The following LRP1B variants were observed in gnomAD, a reference collection of about 807,000 sequenced individuals.
The protein encoded by LRP1B is low-density lipoprotein receptor-related protein 1B.
A neutral mutation model predicts 556.6 loss-of-function variants in LRP1B; 217 were observed. The observed-to-expected ratio is 0.39, with a 90% confidence interval of 0.35 to 0.44. The LOEUF (loss-of-function observed/expected upper bound fraction) is 0.44, where lower values mean the gene tolerates loss of function less well. LRP1B is among the 20% of genes least tolerant of loss of function. The probability of loss-of-function intolerance (pLI) is 1.00; values close to 1 mark genes in which losing one functional copy is unlikely to be tolerated. For missense variants in LRP1B, 5,053 were observed against 5,620.8 expected, an observed-to-expected ratio of 0.90 and a Z score of 3.23; for synonymous variants, 2,047 against 1,865.8, an observed-to-expected ratio of 1.10 and a Z score of -2.50.
chr2:141,884,314 G>A (rs1443555004), intron 1 of LRP1B, among the ~76,000 whole-genome samples: 1 of 152,146 alleles, frequency 6.6e-6, no homozygotes, highest in Admixed American at 6.6e-5. Flanking sequence ...AGTCGAGACT[G>A]TAGTGAGCCT....
chr2:141,299,957 A>G (rs574592743), intron 3 of LRP1B, among the ~76,000 whole-genome samples: 1 of 152,304 alleles, frequency 6.6e-6, no homozygotes, highest in African/African-American at 2.4e-5. Context: ...TGATGGCATT[A>G]GGACATGAGT....
At chr2:141,301,026 TTTA>T (rs1231173946) in intron 3 of LRP1B, among the ~76,000 whole-genome samples, 4 of 152,288 alleles carry the variant, frequency 2.6e-5, no homozygotes, top group African/African-American at 7.2e-5. Context: ...TGTTTCAATA[TTTA>T]TTATTGTCCA....
At chr2:141,160,484 C>G (rs188929353) in intron 7 of LRP1B, among the ~76,000 whole-genome samples, 1 of 152,116 alleles carries the variant, frequency 6.6e-6, no homozygotes, top group East Asian at 1.9e-4. Context: ...GTAACAGCCC[C>G]AACTAAAAAT....
chr2:140,803,568 G>A (rs1690601255), intron 32 of LRP1B, among the ~76,000 whole-genome samples: 1 of 151,932 alleles, frequency 6.6e-6, no homozygotes, highest in Non-Finnish European at 1.5e-5. Context: ...AAAGTGCTGG[G>A]ATTACAGGCA....
At chr2:142,006,749 GACTGGACCCCTTGTTATAT>G (rs1702815760) in intron 1 of LRP1B, among the ~76,000 whole-genome samples, 1 of 152,068 alleles carries the variant, frequency 6.6e-6, no homozygotes, top group African/African-American at 2.4e-5. Context: ...AACATAGAAA[GACTGGACCCCTTGTTATAT>G]ACTGGTTTGC....
At chr2:140,849,310 T>A (rs529506309) in intron 29 of LRP1B, among the ~76,000 whole-genome samples, 1 of 149,946 alleles carries the variant, frequency 6.7e-6, no homozygotes, top group Non-Finnish European at 1.5e-5. Context: ...AGATGGAGGT[T>A]GCAGTGAGCC....
chr2:141,679,370 A>C (rs1171207697), intron 2 of LRP1B, among the ~76,000 whole-genome samples: 1 of 152,196 alleles, frequency 6.6e-6, no homozygotes, highest in Non-Finnish European at 1.5e-5. Context: ...TTTTGGGAAA[A>C]TTTGTTATGC....
At position 140,274,518 on chromosome 2, in the gene LRP1B, G is replaced by C. The variant is rs148187862; in HGVS notation, c.13048C>G (p.Arg4350Gly). 537 of 1,612,306 alleles carry C rather than the reference G, an allele frequency of 3.3e-4. No individual in the cohort carries two copies. The highest frequency in any genetic ancestry group is 4.3e-4 in the Non-Finnish European group (506 of 1,178,866). ...ACCTCACATTTTGGTCCTTCATAGC[G>C]CGTTGGACAGACACATTCAACACTT... is the stretch of plus-strand genomic sequence containing the variant. ...DGSVECVCPT[R>G]YEGPKCEVDK... The change falls in exon 85 of 91, where the codon CGC (arginine) becomes GGC (glycine). Residue 4350 changes from arginine (R) to glycine (G), a missense_variant. Transcript: ENST00000389484.
chr2:140,335,790 C>T lies in LRP1B; in HGVS notation c.11941G>A (p.Gly3981Arg), dbSNP rs1348817923. ...PRDIAVDWVA[G>R]NIYWTDHSRM... ...GAATGATCAGTCCAGTAAATGTTTC[C>T]AGCCACCCAGTCAACTGCAATGTCC... The change falls in exon 78 of 91, where the codon GGA becomes AGA. Residue 3981 changes from glycine (G) to arginine (R), a missense_variant. By Grantham distance (125) the Gly-to-Arg change is moderately radical. This residue lies in a region of LRP1B where 599 missense variants were observed against 648.4 expected (regional missense o/e 0.92). Transcript: ENST00000389484. 5.6e-6 allele frequency: 9 copies of T among 1,612,562 alleles called. No homozygotes were observed. Among genetic ancestry groups the T allele is most frequent in the Admixed American group, 1.7e-5 (1 of 59,822 alleles).
intron 43 of LRP1B, among the ~76,000 whole-genome samples, chr2:140,543,494 G>A (rs1384071063): frequency 1.3e-5 from 2 of 151,794 alleles, no homozygotes; most frequent in Non-Finnish European, 2.9e-5. Flanking sequence ...GCTGACTAAA[G>A]AAGAAAACTC....
chr2:141,804,238 T>C (rs1696100417), intron 2 of LRP1B, among the ~76,000 whole-genome samples: 1 of 152,128 alleles, frequency 6.6e-6, no homozygotes, highest in Non-Finnish European at 1.5e-5. Context: ...AAGAAATGTA[T>C]ACTCTGCTTT....
chr2:140,577,214 G>C (rs995158434), intron 43 of LRP1B, among the ~76,000 whole-genome samples: 2 of 152,052 alleles, frequency 1.3e-5, no homozygotes, highest in Non-Finnish European at 2.9e-5. Flanking sequence ...GCCAGGTGTG[G>C]TTGCTCATGC....
rs181832907 is a variant in LRP1B, at chr2:141,225,414, T to A, written c.850+3769A>T. Reference sequence around the variant, plus strand: ...AATATTCTTATCTCAATCATCTCTATGCACTTTGTCCCGAGGAAACAGATG... The same window carrying A: ...AATATTCTTATCTCAATCATCTCTAAGCACTTTGTCCCGAGGAAACAGATG... On this transcript the variant is annotated intron_variant, in intron 6 of 90. Transcript: ENST00000389484. Among the ~76,000 whole-genome samples, 54 of 152,300 alleles carry A rather than the reference T, an allele frequency of 3.5e-4. 1 individual carries two copies. Among genetic ancestry groups the A allele is most frequent in the East Asian group, 2.3e-3 (12 of 5,184 alleles).
At chr2:141,994,128 A>C (rs1464851131) in intron 1 of LRP1B, among the ~76,000 whole-genome samples, 1 of 152,162 alleles carries the variant, frequency 6.6e-6, no homozygotes, top group Non-Finnish European at 1.5e-5. Context: ...TTCATGAGCA[A>C]CATGCTTGAA....
rs1363339409 is a variant in LRP1B at position 141,153,369 on chromosome 2, TATA to T, written c.1013+35049_1013+35051del. Among the ~76,000 whole-genome samples, 210 of 109,516 alleles carry T rather than the reference TATA, an allele frequency of 1.9e-3. 3 individuals are homozygous for T. Among genetic ancestry groups the T allele is most frequent in the African/African-American group, 6.3e-3 (183 of 29,188 alleles). 71.8% of individuals were successfully genotyped at this position (109,516 alleles called of 152,430 possible). ...TATATATTAGCTATATATATTTATA[TATA>T]ATAATATATATAAGCTATATATTTA... On this transcript the variant is annotated intron_variant, in intron 7 of 90. Coordinates refer to ENST00000389484, the MANE Select transcript of LRP1B (RefSeq NM_018557.3).
intron 66 of LRP1B, among the ~76,000 whole-genome samples, chr2:140,397,733 C>T (rs1684314409): frequency 6.6e-6 from 1 of 151,894 alleles, no homozygotes; most frequent in Non-Finnish European, 1.5e-5. Context: ...CATTTATAGG[C>T]TTGTGTTTTG....
chr2:140,638,781 GA>G lies in LRP1B; in HGVS notation c.6800-37143del, dbSNP rs562011436. The stretch of plus-strand genomic sequence containing the variant: ...TATATACACACACACACATATATAT[GA>G]AAAAATATATATGAAATTACATATA... On this transcript the variant is annotated intron_variant, in intron 41 of 90. Coordinates refer to ENST00000389484, the MANE Select transcript of LRP1B (RefSeq NM_018557.3). Among the ~76,000 whole-genome samples, 266 of 151,008 alleles carry G rather than the reference GA, an allele frequency of 1.8e-3. 2 individuals carry two copies. The highest frequency in any genetic ancestry group is 6.2e-3 in the African/African-American group (255 of 41,176).
At chr2:140,861,009 T>C (rs1559161483) in intron 27 of LRP1B, among the ~76,000 whole-genome samples, 1 of 151,990 alleles carries the variant, frequency 6.6e-6, no homozygotes, top group African/African-American at 2.4e-5. Flanking sequence ...TATCTATCTA[T>C]CTATCTATCT....
At chr2:140,728,142 A>C (rs559949843) in intron 35 of LRP1B, among the ~76,000 whole-genome samples, 2 of 107,884 alleles carry the variant, frequency 1.9e-5, no homozygotes, top group African/African-American at 6.8e-5. Context: ...ATTTGCATTA[A>C]ACATTACTTG....
Sources: gnomAD v4.1 joint callset for allele counts (sites outside exome capture counted in the v4.1 genomes callset) on GRCh38, gnomAD v4.1.1 for gene constraint, gnomAD v4.1.1 regional missense constraint, MANE v1.5 for transcripts, NCBI Gene and HGNC (gene_info 2026-07-23, HGNC 2026-07-21) for gene names.